Variants in AK5 observed in about 807,000 individuals in gnomAD.
The protein encoded by AK5 is adenylate kinase isoenzyme 5.
A neutral mutation model predicts 69.5 loss-of-function variants in AK5; 27 were observed. The ratio of observed to expected loss-of-function variants is 0.39; its 90% CI spans 0.29 to 0.54. The LOEUF (loss-of-function observed/expected upper bound fraction) is 0.54, where lower values mean the gene tolerates loss of function less well. Among genes scored for constraint, AK5 ranks in the 20% least tolerant of loss-of-function variants. AK5 has a pLI of 0.71. For synonymous variants in AK5, 260 were observed against 244.4 expected (o/e 1.06, Z -0.60); for missense variants, 531 against 700.4 (o/e 0.76, Z 2.73).
rs374298984 is a variant in AK5, at chr1:77,324,980, C to CTTTTTTTTTTTTTT, written c.700-15387_700-15386insTTTTTTTTTTTTTT. Among the ~76,000 whole-genome samples the CTTTTTTTTTTTTTT allele has an allele frequency of 7.3e-4, 101 of 139,166 alleles. 3 individuals are homozygous for CTTTTTTTTTTTTTT. Among genetic ancestry groups the CTTTTTTTTTTTTTT allele is most frequent in the East Asian group, 4.7e-3 (22 of 4,712 alleles). The allele number at this position is 139,166 out of a possible 152,430, so 91.3% of individuals were successfully genotyped here. Reference sequence around the variant, plus strand: ...GAGCTGGATGTCAGATTACGAGCTACTTTTTTTTTTGAGACGGAGGCTTGT... The same window carrying CTTTTTTTTTTTTTT: ...GAGCTGGATGTCAGATTACGAGCTACTTTTTTTTTTTTTTTTTTTTTTTTGAGACGGAGGCTTGT... On this transcript the variant is annotated intron_variant, in intron 5 of 13. Transcript: ENST00000354567.
chr1:77,463,440 T>G (rs1653956663), intron 8 of AK5, among the ~76,000 whole-genome samples: 1 of 152,178 alleles, frequency 6.6e-6, no homozygotes, highest in South Asian at 2.1e-4. Context: ...TTAATCAAGA[T>G]TTACCTAGTC....
intron 10 of AK5, among the ~76,000 whole-genome samples, chr1:77,486,892 G>T (rs1655639561): frequency 6.6e-6 from 1 of 152,128 alleles, no homozygotes; most frequent in South Asian, 2.1e-4. Context: ...TCTGAGTTTA[G>T]CTCTACAATA....
chr1:77,446,141 T>A (rs542398405), intron 8 of AK5, among the ~76,000 whole-genome samples: 1 of 152,232 alleles, frequency 6.6e-6, no homozygotes, highest in Non-Finnish European at 1.5e-5. Flanking sequence ...TTCACTCTTT[T>A]GCAAGTGGAA....
chr1:77,303,699 C>T (rs34422174), intron 5 of AK5, among the ~76,000 whole-genome samples: 19,912 of 152,130 alleles, frequency 0.13, 1,536 homozygotes, highest in East Asian at 0.36. Context: ...GGGGTCTTGA[C>T]GATCCTCAGA....
At chr1:77,534,446 C>T (rs1423158367) in intron 12 of AK5, among the ~76,000 whole-genome samples, 1 of 152,120 alleles carries the variant, frequency 6.6e-6, no homozygotes, top group East Asian at 1.9e-4. Context: ...ATTCTTAATC[C>T]CTGCACACGG....
chr1:77,330,390 A>C (rs895043012), intron 5 of AK5, among the ~76,000 whole-genome samples: 16 of 152,190 alleles, frequency 1.1e-4, no homozygotes, highest in African/African-American at 3.9e-4. Flanking sequence ...TTAGATCTGA[A>C]AATCCATCTA....
intron 5 of AK5, among the ~76,000 whole-genome samples, chr1:77,306,338 A>G (rs1216565445): frequency 8.5e-5 from 13 of 152,120 alleles, no homozygotes; most frequent in Admixed American, 8.5e-4. Context: ...TGAAATGATC[A>G]TGTGATTTTT....
chr1:77,379,968 T>C (rs1647513460), intron 6 of AK5, among the ~76,000 whole-genome samples: 1 of 152,204 alleles, frequency 6.6e-6, no homozygotes, highest in Non-Finnish European at 1.5e-5. Context: ...CTGTAGCATC[T>C]CAACAGCTTG....
At chr1:77,293,748 A>T (rs1274575919) in intron 2 of AK5, 45 bp from the exon 3 acceptor site, 1 of 1,512,266 alleles carries the variant, frequency 6.6e-7, no homozygotes, top group Non-Finnish European at 9.0e-7. Context: ...AGAGTGTTTT[A>T]TTATGGTGTT....
chr1:77,483,382 A>G, intron 9 of AK5, 23 bp downstream of exon 9: 1 of 1,596,610 alleles, frequency 6.3e-7, no homozygotes, highest in Non-Finnish European at 8.6e-7. Flanking sequence ...TACTGATCAG[A>G]TCAAAGTTGT....
chr1:77,532,333 T>C (rs1570322303), intron 12 of AK5: 1 of 152,084 alleles, frequency 6.6e-6, no homozygotes, highest in African/African-American at 2.4e-5. Flanking sequence ...TTCTGAAAAA[T>C]AAAATAAGTG....
At chr1:77,321,090 A>G (rs1660503938) in intron 5 of AK5, among the ~76,000 whole-genome samples, 1 of 152,222 alleles carries the variant, frequency 6.6e-6, no homozygotes, top group Non-Finnish European at 1.5e-5. Context: ...AGACATGTCT[A>G]GAACACTGTA....
At chr1:77,283,735 T>A in intron 1 of AK5, 3 of 538,846 alleles carry the variant, frequency 5.6e-6, no homozygotes, top group Non-Finnish European at 7.1e-6. Context: ...GTGGGAATCT[T>A]AAGAGTTGTT....
chr1:77,367,599 A>ATATATATGTTAT lies in AK5; in HGVS notation c.891+27031_891+27032insTATATATGTTAT, dbSNP rs756398279. On this transcript the variant is annotated intron_variant, in intron 6 of 13. Coordinates refer to ENST00000354567, the MANE Select transcript of AK5 (RefSeq NM_174858.3). ...TATATAATATATATGTTATATATGT[A>ATATATATGTTAT]ATATATATGTAATATATATGTTATA... is the stretch of plus-strand genomic sequence containing the variant. Among the ~76,000 whole-genome samples, 17 of 63,144 alleles carry ATATATATGTTAT rather than the reference A, an allele frequency of 2.7e-4. 3 individuals carry two copies. The highest frequency in any genetic ancestry group is 0.012 in the Middle Eastern group (1 of 86). The allele number at this position is 63,144 out of a possible 152,430, so 41.4% of individuals were successfully genotyped here.
At chr1:77,355,119 T>C (rs1488511286) in intron 6 of AK5, among the ~76,000 whole-genome samples, 2 of 152,210 alleles carry the variant, frequency 1.3e-5, no homozygotes, top group Non-Finnish European at 2.9e-5. Context: ...TGATATGGTC[T>C]CATACAACTG....
chr1:77,366,128 G>GT (rs1646946344), intron 6 of AK5, among the ~76,000 whole-genome samples: 1 of 152,042 alleles, frequency 6.6e-6, no homozygotes, highest in Non-Finnish European at 1.5e-5. Context: ...TTGATAAAGG[G>GT]TATCAGAGAC....
Position 77,282,149 on chromosome 1 carries a change from A to T in AK5, c.-165A>T. 1 of 519,068 alleles carries T rather than the reference A, an allele frequency of 1.9e-6. No individual in the cohort carries two copies. The highest frequency in any genetic ancestry group is 2.0e-5 in the African/African-American group (1 of 49,724). The allele number at this position is 519,068 out of a possible 1,614,324, so 32.2% of individuals were successfully genotyped here. On this transcript the variant is annotated 5_prime_UTR_variant, in exon 1 of 14. Coordinates refer to ENST00000354567, the MANE Select transcript of AK5 (RefSeq NM_174858.3). ...GACCACAGCCCCCGGGGAGAGGCGG[A>T]GGGGGTCCCTGGCCTGGGCGGAGAG...
At chr1:77,321,341 C>T (rs997983015) in intron 5 of AK5, among the ~76,000 whole-genome samples, 25 of 151,970 alleles carry the variant, frequency 1.6e-4, no homozygotes, top group African/African-American at 4.4e-4. Flanking sequence ...GCGGTGGTGC[C>T]GCCTGTAGTC....
At position 77,535,834 on chromosome 1, in the gene AK5, C is replaced by T; in HGVS notation, c.1429-13C>T. The T allele has an allele frequency of 6.2e-7, 1 of 1,609,078 alleles. No homozygotes were observed. Among genetic ancestry groups the T allele is most frequent in the Non-Finnish European group, 8.5e-7 (1 of 1,177,434 alleles). ...AGGTTTCTGACTGTGTTGTGCTCCA[C>T]TCCCATCTCCAGATTGGAGACCCAC... On this transcript the variant is annotated splice_polypyrimidine_tract_variant and intron_variant, in intron 12 of 13. Coordinates refer to ENST00000354567, the MANE Select transcript of AK5 (RefSeq NM_174858.3).
Sources: allele counts gnomAD v4.1 joint callset (sites outside exome capture counted in the v4.1 genomes callset), GRCh38; gene constraint gnomAD v4.1.1; transcripts MANE v1.5; gene names NCBI Gene and HGNC (gene_info 2026-07-23, HGNC 2026-07-21).